The following CACNA1C variants were observed in gnomAD, a reference collection of about 807,000 sequenced individuals.
CACNA1C encodes calcium voltage-gated channel subunit alpha1 C.
In CACNA1C, 30 loss-of-function variants were observed where a neutral mutation model predicts 229.0. That is an observed-to-expected ratio of 0.13 (90% CI 0.10 to 0.18). The LOEUF is 0.18. Ranked by LOEUF, CACNA1C falls within the 10% of genes least tolerant of loss-of-function variation. The pLI is 1.00. For missense variants in CACNA1C, 1,658 were observed against 2,845.0 expected, an observed-to-expected ratio of 0.58 and a Z score of 9.49; for synonymous variants, 1,114 against 1,132.5, an observed-to-expected ratio of 0.98 and a Z score of 0.33.
chr12:2,187,238 G>A lies in CACNA1C; in HGVS notation c.477+66808G>A, dbSNP rs180979033. On this transcript the variant is annotated intron_variant, in intron 3 of 46. Transcript: ENST00000399655. ...GGTCAGAGAGGTTAAATGATTGCCT[G>A]GGGTGGCACTGCCTAGCCTCTGTGT... Among the ~76,000 whole-genome samples the A allele has an allele frequency of 4.6e-5, 7 of 152,330 alleles. No homozygotes were observed. In the East Asian group the frequency reaches 1.4e-3, roughly 29 times the overall value.
intron 3 of CACNA1C, among the ~76,000 whole-genome samples, chr12:2,366,728 T>C (rs2097730119): frequency 6.6e-6 from 1 of 152,222 alleles, no homozygotes; most frequent in South Asian, 2.1e-4. Context: ...TATAAAGAAC[T>C]ACCTGAGACT....
intron 9 of CACNA1C, among the ~76,000 whole-genome samples, chr12:2,542,767 A>C (rs2099874317): frequency 6.6e-6 from 1 of 152,170 alleles, no homozygotes; most frequent in Admixed American, 6.5e-5. Context: ...ATAACTGGGC[A>C]CCTCTCTTGA....
At chr12:2,026,049 G>A (rs556459478) in intron 1 of CACNA1C, among the ~76,000 whole-genome samples, 15 of 152,300 alleles carry the variant, frequency 9.8e-5, no homozygotes, top group East Asian at 7.7e-4. Flanking sequence ...TGGCAATGTC[G>A]GAAAGTTTCA....
At chr12:2,197,087 C>T (rs2097428719) in intron 3 of CACNA1C, among the ~76,000 whole-genome samples, 1 of 152,164 alleles carries the variant, frequency 6.6e-6, no homozygotes, top group Non-Finnish European at 1.5e-5. Context: ...TACAGGCTGG[C>T]CCTGAACACC....
intron 3 of CACNA1C, among the ~76,000 whole-genome samples, chr12:2,182,791 C>T (rs909679846): frequency 4.6e-5 from 7 of 152,144 alleles, no homozygotes; most frequent in Non-Finnish European, 8.8e-5. Flanking sequence ...GACGGCCATC[C>T]TGATGAAGGC....
At chr12:2,545,275 A>G (rs1281132223) in intron 9 of CACNA1C, among the ~76,000 whole-genome samples, 1 of 136,700 alleles carries the variant, frequency 7.3e-6, no homozygotes, top group Non-Finnish European at 1.5e-5. Flanking sequence ...TCACCTTTCC[A>G]ATAAGCTTCA....
chr12:2,641,672 A>G lies in CACNA1C; in HGVS notation c.3913-6803A>G, dbSNP rs1400151669. The G allele has an allele frequency of 5.7e-6, 4 of 701,564 alleles. No individual in the cohort carries two copies. In the East Asian group the frequency reaches 1.1e-4, roughly 19 times the overall value. 43.5% of individuals were successfully genotyped at this position (701,564 alleles called of 1,614,324 possible). ...CAGTCATTCATGCTGGGTGGTAGCA[A>G]CTCAGTGAGCTGCCCTTCTAATAGA... is the stretch of plus-strand genomic sequence containing the variant. On this transcript the variant is annotated intron_variant, in intron 30 of 46. Coordinates refer to ENST00000399655, the MANE Select transcript of CACNA1C (RefSeq NM_000719.7).
Position 2,666,509 on chromosome 12 carries a change from G to T in CACNA1C, c.4527-177G>T. On this transcript the variant is annotated intron_variant, in intron 36 of 46. Coordinates refer to ENST00000399655, the MANE Select transcript of CACNA1C (RefSeq NM_000719.7). This position sits in a 1 kb window ranked among gnomAD's most constrained non-coding sequence, Gnocchi z 5.3. ...TCTAAACACGTGTATATGTATATTG[G>T]TTTGGGGCTGTGTCATGCAATTCTG... The T allele has an allele frequency of 3.7e-6, 2 of 540,742 alleles. No individual in the cohort carries two copies. The highest frequency in any genetic ancestry group is 3.2e-5 in the Admixed American group (1 of 31,054). 33.5% of individuals were successfully genotyped at this position (540,742 alleles called of 1,614,324 possible).
intron 1 of CACNA1C, among the ~76,000 whole-genome samples, chr12:2,110,841 G>T (rs537772588): frequency 3.3e-4 from 50 of 152,342 alleles, no homozygotes; most frequent in African/African-American, 1.1e-3. Flanking sequence ...TGGTCTATAT[G>T]TCTGAGGTCA....
intron 1 of CACNA1C, among the ~76,000 whole-genome samples, chr12:1,988,010 CCTTTGA>C (rs1032020123): frequency 1.2e-4 from 18 of 152,274 alleles, no homozygotes; most frequent in African/African-American, 3.9e-4. Flanking sequence ...AGCAATTCAC[CCTTTGA>C]CTTTAATTTA....
intron 5 of CACNA1C, among the ~76,000 whole-genome samples, chr12:2,459,814 C>T (rs1467109342): frequency 6.6e-6 from 1 of 152,086 alleles, no homozygotes; most frequent in Non-Finnish European, 1.5e-5. Flanking sequence ...GCCAACCAAG[C>T]GAAATGGACA....
intron 3 of CACNA1C, among the ~76,000 whole-genome samples, chr12:2,362,396 G>A (rs1477381907): frequency 2.0e-5 from 3 of 152,170 alleles, no homozygotes; most frequent in Non-Finnish European, 2.9e-5. Context: ...TGTGGCTCGG[G>A]ATACTTCCCT....
At chr12:2,296,200 C>T (rs943031523) in intron 3 of CACNA1C, among the ~76,000 whole-genome samples, 16 of 152,152 alleles carry the variant, frequency 1.1e-4, no homozygotes, top group African/African-American at 2.7e-4. Context: ...GGAGTGGGGA[C>T]GTGATAGTCA....
chr12:2,084,967 A>G (rs1037342296), intron 1 of CACNA1C, among the ~76,000 whole-genome samples: 6 of 152,118 alleles, frequency 3.9e-5, no homozygotes, highest in East Asian at 1.9e-4. Flanking sequence ...GAAACTTCCA[A>G]TTTACTAGCT....
chr12:2,259,517 A>C (rs2079237871), intron 3 of CACNA1C, among the ~76,000 whole-genome samples: 1 of 152,180 alleles, frequency 6.6e-6, no homozygotes, highest in Non-Finnish European at 1.5e-5. Context: ...CCGCTTTGAG[A>C]TGTTGCAAGG....
At chr12:2,079,870 A>G (rs958968391) in intron 1 of CACNA1C, among the ~76,000 whole-genome samples, 2 of 152,164 alleles carry the variant, frequency 1.3e-5, no homozygotes, top group Non-Finnish European at 2.9e-5. Context: ...AATAATGTAC[A>G]CCTCACAACA....
At chr12:2,420,852 G>C (rs2098971320) in intron 3 of CACNA1C, among the ~76,000 whole-genome samples, 1 of 152,216 alleles carries the variant, frequency 6.6e-6, no homozygotes, top group Non-Finnish European at 1.5e-5. Flanking sequence ...TGTGAAGATG[G>C]AATGGGGTTT....
At chr12:2,059,355 G>A (rs2056536392) in intron 1 of CACNA1C, among the ~76,000 whole-genome samples, 1 of 151,680 alleles carries the variant, frequency 6.6e-6, no homozygotes. Flanking sequence ...GGGATTGTAG[G>A]GACTGTAGGA....
chr12:2,585,696 T>A lies in CACNA1C; in HGVS notation c.2461-139T>A, dbSNP rs866872843. The A allele has an allele frequency of 2.3e-6, 2 of 885,202 alleles. No homozygotes were observed. The highest frequency in any genetic ancestry group is 4.4e-4 in the Middle Eastern group (2 of 4,574). The allele number at this position is 885,202 out of a possible 1,614,324, so 54.8% of individuals were successfully genotyped here. On this transcript the variant is annotated intron_variant, in intron 17 of 46. Coordinates refer to ENST00000399655, the MANE Select transcript of CACNA1C (RefSeq NM_000719.7). The surrounding 1 kb of genome is among the most constrained non-coding windows in gnomAD (Gnocchi z 4.1). ...GGATCCCAGCCATCTGCTGATGTCT[T>A]GAAGGAGATATGCAAAGTGACAAGT...
Sources: gnomAD v4.1 joint callset for allele counts (sites outside exome capture counted in the v4.1 genomes callset) on GRCh38, gnomAD v4.1.1 for gene constraint, Gnocchi (gnomAD v3.1) non-coding constraint, MANE v1.5 for transcripts, NCBI Gene and HGNC (gene_info 2026-07-23, HGNC 2026-07-21) for gene names.